The following FGF14 variants were observed in gnomAD, a reference collection of about 807,000 sequenced individuals.
FGF14 encodes the protein fibroblast growth factor homologous factor 4.
A neutral mutation model predicts 25.5 loss-of-function variants in FGF14; 5 were observed. The observed-to-expected ratio is 0.20, with a 90% confidence interval of 0.10 to 0.41. The LOEUF is 0.41. Among genes scored for constraint, FGF14 ranks in the 10% least tolerant of loss-of-function variants. The pLI is 1.00. For synonymous variants in FGF14, 138 were observed against 118.3 expected (o/e 1.17, Z -1.08); for missense variants, 222 against 320.1 (o/e 0.69, Z 2.34).
At chr13:102,304,224 T>A (rs561058591) in intron 1 of FGF14, among the ~76,000 whole-genome samples, 31 of 152,206 alleles carry the variant, frequency 2.0e-4, no homozygotes, top group Non-Finnish European at 4.1e-4. Context: ...CCTGTCTTCC[T>A]ACTGAACCCC....
At chr13:102,181,035 G>A (rs2048650616) in intron 1 of FGF14, among the ~76,000 whole-genome samples, 1 of 152,122 alleles carries the variant, frequency 6.6e-6, no homozygotes. Flanking sequence ...TAGAGGAAGA[G>A]TCAGCCAGCT....
At chr13:101,909,169 A>G (rs985317611) in intron 1 of FGF14, among the ~76,000 whole-genome samples, 2 of 152,248 alleles carry the variant, frequency 1.3e-5, no homozygotes, top group Non-Finnish European at 2.9e-5. Context: ...ACCATTCAGG[A>G]CATAGGCATG....
chr13:102,033,309 C>T (rs573738269), intron 1 of FGF14, among the ~76,000 whole-genome samples: 1 of 152,060 alleles, frequency 6.6e-6, no homozygotes, highest in East Asian at 1.9e-4. Flanking sequence ...AATAAAATAA[C>T]AAATAAAATA....
intron 4 of FGF14, among the ~76,000 whole-genome samples, chr13:101,726,309 CTTAA>C (rs1038494285): frequency 4.0e-5 from 6 of 151,880 alleles, no homozygotes; most frequent in Admixed American, 1.3e-4. Flanking sequence ...ATTGTTTTAA[CTTAA>C]TTAATTTAAA....
chr13:102,268,650 T>C (rs533298250), intron 1 of FGF14, among the ~76,000 whole-genome samples: 2 of 152,204 alleles, frequency 1.3e-5, no homozygotes, highest in East Asian at 3.9e-4. Flanking sequence ...TTTTATATGA[T>C]GATGGTGTTT....
At chr13:102,288,964 T>G (rs184810887) in intron 1 of FGF14, among the ~76,000 whole-genome samples, 21 of 152,274 alleles carry the variant, frequency 1.4e-4, no homozygotes, top group African/African-American at 4.8e-4. Context: ...TCTTTTTTTT[T>G]TTCAATTGGA....
intron 1 of FGF14, among the ~76,000 whole-genome samples, chr13:102,152,691 C>T (rs1046446564): frequency 4.6e-5 from 7 of 152,048 alleles, no homozygotes; most frequent in African/African-American, 1.7e-4. Flanking sequence ...ACCACAATGC[C>T]CAAACAGAAA....
chr13:101,780,005 ACT>A (rs1397549104), intron 3 of FGF14, among the ~76,000 whole-genome samples: 1 of 151,858 alleles, frequency 6.6e-6, no homozygotes, highest in Admixed American at 6.6e-5. Flanking sequence ...AAGGGCATAG[ACT>A]CTGAAACCTG....
intron 1 of FGF14, among the ~76,000 whole-genome samples, chr13:102,354,852 T>C (rs971544187): frequency 6.6e-6 from 1 of 152,160 alleles, no homozygotes; most frequent in South Asian, 2.1e-4. Context: ...GAGAAAGTGT[T>C]TTCCTTCCTA....
At chr13:102,278,205 G>A (rs2053639052) in intron 1 of FGF14, among the ~76,000 whole-genome samples, 1 of 152,224 alleles carries the variant, frequency 6.6e-6, no homozygotes. Flanking sequence ...ATGAGTCACA[G>A]GCTAAGGGTT....
intron 3 of FGF14, among the ~76,000 whole-genome samples, chr13:101,789,758 T>C (rs1164796472): frequency 6.6e-6 from 1 of 151,950 alleles, no homozygotes; most frequent in Non-Finnish European, 1.5e-5. Context: ...ATTAGTTTTC[T>C]AAGATAAAAA....
chr13:102,117,513 G>T (rs533378003), intron 1 of FGF14, among the ~76,000 whole-genome samples: 1 of 152,278 alleles, frequency 6.6e-6, no homozygotes, highest in Non-Finnish European at 1.5e-5. Context: ...AATCAAGGTA[G>T]AAATTTACCC....
chr13:102,287,589 A>G (rs1488486243), intron 1 of FGF14, among the ~76,000 whole-genome samples: 5 of 152,202 alleles, frequency 3.3e-5, no homozygotes, highest in Admixed American at 2.6e-4. Flanking sequence ...CCACAATGAG[A>G]AAATACCTTA....
chr13:102,065,454 A>G (rs2042863400), intron 1 of FGF14, among the ~76,000 whole-genome samples: 1 of 152,128 alleles, frequency 6.6e-6, no homozygotes, highest in African/African-American at 2.4e-5. Context: ...TTTCTGGTAC[A>G]TTGGTATCCC....
chr13:101,794,822 CAG>C (rs944389416), intron 3 of FGF14, among the ~76,000 whole-genome samples: 28 of 152,188 alleles, frequency 1.8e-4, no homozygotes, highest in African/African-American at 5.8e-4. Flanking sequence ...TTTATCGAAA[CAG>C]ATGTTTATGC....
intron 1 of FGF14, among the ~76,000 whole-genome samples, chr13:101,978,643 C>T (rs1030691234): frequency 2.6e-5 from 4 of 152,186 alleles, no homozygotes; most frequent in Non-Finnish European, 5.9e-5. Flanking sequence ...TCCAATATCA[C>T]TATGCTGATA....
intron 3 of FGF14, among the ~76,000 whole-genome samples, chr13:101,838,331 TC>T (rs1449754126): frequency 6.6e-6 from 1 of 151,982 alleles, no homozygotes; most frequent in Non-Finnish European, 1.5e-5. Flanking sequence ...GTCCTGTTAT[TC>T]CCCTAAGAGG....
chr13:102,278,817 G>A (rs1430906149), intron 1 of FGF14, among the ~76,000 whole-genome samples: 1 of 152,050 alleles, frequency 6.6e-6, no homozygotes, highest in East Asian at 1.9e-4. Flanking sequence ...AGATACAGAA[G>A]TCTGGTACCA....
intron 3 of FGF14, among the ~76,000 whole-genome samples, chr13:101,777,879 G>A (rs147689677): frequency 1.1e-4 from 16 of 152,056 alleles, no homozygotes; most frequent in South Asian, 2.1e-4. Context: ...TAGGAGAATC[G>A]CTTGAACCCA....
Sources: allele counts gnomAD v4.1 joint callset (sites outside exome capture counted in the v4.1 genomes callset), GRCh38; gene constraint gnomAD v4.1.1; transcripts MANE v1.5; gene names NCBI Gene and HGNC (gene_info 2026-07-23, HGNC 2026-07-21).